The following KCNT2 variants were observed in gnomAD, a reference collection of about 807,000 sequenced individuals.
The protein encoded by KCNT2 is potassium channel subfamily T member 2.
A neutral mutation model predicts 153.8 loss-of-function variants in KCNT2; 67 were observed. The ratio of observed to expected loss-of-function variants is 0.44; its 90% CI spans 0.36 to 0.53. The LOEUF (loss-of-function observed/expected upper bound fraction) is 0.53, where lower values mean the gene tolerates loss of function less well. Ranked by LOEUF, KCNT2 falls within the 20% of genes least tolerant of loss-of-function variation. The probability of loss-of-function intolerance (pLI) is 0.00; values close to 1 mark genes in which losing one functional copy is unlikely to be tolerated. For synonymous variants in KCNT2, 500 were observed against 458.8 expected (o/e 1.09, Z -1.15); for missense variants, 975 against 1,354.8 (o/e 0.72, Z 4.40).
At chr1:196,589,220 C>T (rs903927288) in intron 1 of KCNT2, among the ~76,000 whole-genome samples, 2 of 151,282 alleles carry the variant, frequency 1.3e-5, no homozygotes, top group African/African-American at 2.4e-5. Flanking sequence ...TATAACTCCA[C>T]TTGTGTAAAC....
chr1:196,538,078 C>T (rs1655846757), intron 1 of KCNT2, among the ~76,000 whole-genome samples: 1 of 152,110 alleles, frequency 6.6e-6, no homozygotes, highest in Admixed American at 6.5e-5. Context: ...TCTGCTGGAT[C>T]TCTCAGGGAC....
At chr1:196,488,664 C>T (rs943720201) in intron 3 of KCNT2, among the ~76,000 whole-genome samples, 5 of 151,890 alleles carry the variant, frequency 3.3e-5, no homozygotes, top group Admixed American at 3.3e-4. Context: ...GTTACATGAA[C>T]CATTTTAATA....
intron 25 of KCNT2, among the ~76,000 whole-genome samples, chr1:196,259,229 G>A (rs1656788911): frequency 1.3e-5 from 2 of 152,070 alleles, no homozygotes. Context: ...CTCCATAGGA[G>A]GGAAAAACAA....
intron 13 of KCNT2, among the ~76,000 whole-genome samples, chr1:196,385,350 C>A (rs1435231336): frequency 6.6e-6 from 1 of 152,060 alleles, no homozygotes; most frequent in African/African-American, 2.4e-5. Context: ...CAATGGTGAG[C>A]ATTTGTGTAA....
chr1:196,269,285 A>G (rs533691354), intron 25 of KCNT2, among the ~76,000 whole-genome samples: 1 of 152,254 alleles, frequency 6.6e-6, no homozygotes, highest in South Asian at 2.1e-4. Flanking sequence ...CGTAGGCATG[A>G]TTTCCATACT....
chr1:196,384,373 T>C (rs1277045860), intron 13 of KCNT2, among the ~76,000 whole-genome samples: 1 of 152,032 alleles, frequency 6.6e-6, no homozygotes. Context: ...ATTTGCCTGA[T>C]CCTCCCAGAC....
chr1:196,588,977 A>G (rs147648699), intron 1 of KCNT2, among the ~76,000 whole-genome samples: 128 of 152,108 alleles, frequency 8.4e-4, no homozygotes, highest in African/African-American at 2.3e-3. Context: ...CAAAAAGCCT[A>G]TAAGTATTTA....
At chr1:196,360,331 T>C (rs946723650) in intron 14 of KCNT2, among the ~76,000 whole-genome samples, 3 of 151,986 alleles carry the variant, frequency 2.0e-5, no homozygotes, top group African/African-American at 7.2e-5. Context: ...AAAGGACAAC[T>C]GGGGATTGCA....
chr1:196,493,629 G>A (rs183689463), intron 1 of KCNT2, among the ~76,000 whole-genome samples: 2 of 152,146 alleles, frequency 1.3e-5, no homozygotes, highest in Admixed American at 6.5e-5. Context: ...GTATACACAT[G>A]CCATGTGTAT....
At chr1:196,563,750 A>C (rs1386606427) in intron 1 of KCNT2, among the ~76,000 whole-genome samples, 1 of 152,000 alleles carries the variant, frequency 6.6e-6, no homozygotes, top group Non-Finnish European at 1.5e-5. Flanking sequence ...CATCAACAAA[A>C]TGAAAGACAA....
chr1:196,292,202 C>T (rs1229196991), intron 22 of KCNT2, among the ~76,000 whole-genome samples: 2 of 152,132 alleles, frequency 1.3e-5, no homozygotes, highest in South Asian at 2.1e-4. Flanking sequence ...TATACTTTTA[C>T]TGAGGACACA....
intron 16 of KCNT2, among the ~76,000 whole-genome samples, chr1:196,335,122 G>T (rs763720841): frequency 9.9e-5 from 15 of 152,038 alleles, no homozygotes; most frequent in Admixed American, 3.3e-4. Flanking sequence ...ACGATGAAAG[G>T]CATCATATTT....
chr1:196,589,278 T>TGC lies in KCNT2; in HGVS notation c.95+18935_95+18936dup, dbSNP rs953716506. Among the ~76,000 whole-genome samples the TGC allele has an allele frequency of 4.8e-4, 73 of 151,908 alleles. No homozygotes were observed. The Middle Eastern group carries it at 0.01, about 21-fold the overall frequency. ...ATATAAAAAAAAGTGTGTGTGTGTG[T>TGC]GCACACGTGAATAGTCAAAGTATTT... On this transcript the variant is annotated intron_variant, in intron 1 of 27. Transcript: ENST00000294725.
chr1:196,425,328 G>A (rs2148527793), intron 11 of KCNT2, among the ~76,000 whole-genome samples: 1 of 152,042 alleles, frequency 6.6e-6, no homozygotes, highest in South Asian at 2.1e-4. Context: ...AGTAAGTCCT[G>A]TCACCTTTCT....
At chr1:196,407,207 A>G (rs1366198842) in intron 12 of KCNT2, among the ~76,000 whole-genome samples, 2 of 151,358 alleles carry the variant, frequency 1.3e-5, no homozygotes, top group Admixed American at 6.6e-5. Context: ...TAGTTACTCA[A>G]TTTAACATAG....
chr1:196,235,160 ATG>A (rs1654318424), intron 27 of KCNT2, among the ~76,000 whole-genome samples: 2 of 151,386 alleles, frequency 1.3e-5, no homozygotes, highest in Non-Finnish European at 3.0e-5. Flanking sequence ...TACAACAGAA[ATG>A]CTAACTATAC....
intron 1 of KCNT2, among the ~76,000 whole-genome samples, chr1:196,554,491 A>C (rs140082419): frequency 6.6e-6 from 1 of 151,030 alleles, no homozygotes; most frequent in African/African-American, 2.4e-5. Flanking sequence ...AATAACAAGA[A>C]ATAATATTGA....
In KCNT2 at chr1:196,480,855, C is replaced by CAAAAA. The variant is rs372270510; in HGVS notation, c.324+1471_324+1475dup. Among the ~76,000 whole-genome samples, 133 of 26,896 alleles carry CAAAAA rather than the reference C, an allele frequency of 4.9e-3. 7 individuals are homozygous for CAAAAA. The highest frequency in any genetic ancestry group is 0.022 in the East Asian group (12 of 558). The allele number at this position is 26,896 out of a possible 152,430, so 17.6% of individuals were successfully genotyped here. The stretch of plus-strand genomic sequence containing the variant: ...TGGGCGACAGAGAGAGACTTCGTCT[C>CAAAAA]AAAAAAAAAAAAAAAAAAAAAAAAA... On this transcript the variant is annotated intron_variant, in intron 4 of 27. Transcript: ENST00000294725.
Position 196,235,969 on chromosome 1 carries a change from A to T in KCNT2, c.3296+17T>A. ...TCTAAAAATATCTGTCTTATATGAG[A>T]TATGAGATCAACTTACACAACATCA... On this transcript the variant is annotated intron_variant, in intron 27 of 27. Coordinates refer to ENST00000294725, the MANE Select transcript of KCNT2 (RefSeq NM_198503.5). 6 of 1,471,538 alleles carry T rather than the reference A, an allele frequency of 4.1e-6. No homozygotes were observed. Among genetic ancestry groups the T allele is most frequent in the Non-Finnish European group, 5.7e-6 (6 of 1,053,488 alleles). 91.2% of individuals were successfully genotyped at this position (1,471,538 alleles called of 1,614,324 possible). A position where few individuals can be genotyped will look rare whatever the true frequency, so the allele number is the denominator to read the frequency against.
Sources: allele counts gnomAD v4.1 joint callset (sites outside exome capture counted in the v4.1 genomes callset), GRCh38; gene constraint gnomAD v4.1.1; transcripts MANE v1.5; gene names NCBI Gene and HGNC (gene_info 2026-07-23, HGNC 2026-07-21).